Variants in AK2 observed in about 807,000 individuals in gnomAD.
AK2 encodes adenylate kinase 2, mitochondrial.
Under a neutral mutation model 24.6 loss-of-function variants are expected in AK2, and 15 were observed. The observed-to-expected ratio is 0.61, with a 90% confidence interval of 0.41 to 0.94. AK2 has a LOEUF of 0.94. Among genes scored for constraint, AK2 ranks in the 40% least tolerant of loss-of-function variants. AK2 has a pLI of 0.00. For missense variants in AK2, 257 were observed against 304.1 expected (o/e 0.85, Z 1.15); for synonymous variants, 102 against 114.0 (o/e 0.90, Z 0.67).
At position 33,012,946 on chromosome 1, in the gene AK2, A is replaced by C; in HGVS notation, c.*235T>G. ...AACAGCTGGTAAAGCAACCTAGCCT[A>C]AAACTTACAAAGTAGCAGAGTGAAC... On this transcript the variant is annotated 3_prime_UTR_variant, in exon 6 of 6. Coordinates refer to ENST00000672715, the MANE Select transcript of AK2 (RefSeq NM_001625.4). The C allele has an allele frequency of 6.5e-7, 1 of 1,528,172 alleles. No individual in the cohort carries two copies. Among genetic ancestry groups the C allele is most frequent in the Non-Finnish European group, 8.8e-7 (1 of 1,138,426 alleles). 94.7% of individuals were successfully genotyped at this position (1,528,172 alleles called of 1,614,324 possible). A position where few individuals can be genotyped will look rare whatever the true frequency, so the allele number is the denominator to read the frequency against.
At position 33,009,228 on chromosome 1, in the gene AK2, T is replaced by C; in HGVS notation, c.*3953A>G. The C allele has an allele frequency of 2.2e-6, 1 of 453,906 alleles. No individual in the cohort carries two copies. The highest frequency in any genetic ancestry group is 4.4e-6 in the Non-Finnish European group (1 of 226,700). 28.1% of individuals were successfully genotyped at this position (453,906 alleles called of 1,614,324 possible). ...CCTCTTGTTTTGGGAACAACAGTCA[T>C]TTCTCAGAAACCTCACTTGCAAAGG... On this transcript the variant is annotated 3_prime_UTR_variant, in exon 6 of 6. Transcript: ENST00000672715.
chr1:33,020,460 T>C (rs1423230228), intron 4 of AK2, among the ~76,000 whole-genome samples: 3 of 152,160 alleles, frequency 2.0e-5, no homozygotes, highest in Non-Finnish European at 2.9e-5. Context: ...ACACGTGAAA[T>C]AGCTTCTCAA....
rs750782742 is a variant in AK2, at chr1:33,036,793, A to G, written c.36T>C (p.Tyr12=). The G allele has an allele frequency of 5.0e-6, 8 of 1,599,574 alleles. No homozygotes were observed. Among genetic ancestry groups the G allele is most frequent in the Non-Finnish European group, 6.8e-6 (8 of 1,173,938 alleles). The change falls in exon 1 of 6, where the codon TAT becomes TAC. Residue 12 remains tyrosine (Y), a synonymous_variant. Transcript: ENST00000672715. ...APSVPAAEPE[Y]PKGIRAVLLG... ...GCAGCACGGCCCGGATGCCTTTAGG[A>G]TACTCGGGTTCTGCCGCTGGCACGC...
chr1:33,019,839 G>C, intron 4 of AK2: 4 of 1,215,604 alleles, frequency 3.3e-6, no homozygotes, highest in Non-Finnish European at 4.1e-6. Flanking sequence ...ACAACAATAA[G>C]GAAATAAGTA....
In AK2 at chr1:33,008,533, C is replaced by A; in HGVS notation, c.*4648G>T. 2.2e-6 allele frequency: 1 copy of A among 454,102 alleles called. No individual in the cohort carries two copies. The highest frequency in any genetic ancestry group is 4.4e-6 in the Non-Finnish European group (1 of 226,794). 28.1% of individuals were successfully genotyped at this position (454,102 alleles called of 1,614,324 possible). On this transcript the variant is annotated 3_prime_UTR_variant, in exon 6 of 6. Transcript: ENST00000672715. The stretch of plus-strand genomic sequence containing the variant: ...GGAAAAGAGCTCTTATTCAGAGCAG[C>A]CCTTCCTGTGTGCAGAGCTACGCAA...
Position 33,012,564 on chromosome 1 carries a change from A to C in AK2, c.*617T>G. 1 of 1,303,108 alleles carries C rather than the reference A, an allele frequency of 7.7e-7. No homozygotes were observed. The highest frequency in any genetic ancestry group is 1.0e-6 in the Non-Finnish European group (1 of 999,880). 80.7% of individuals were successfully genotyped at this position (1,303,108 alleles called of 1,614,324 possible). A position where few individuals can be genotyped will look rare whatever the true frequency, so the allele number is the denominator to read the frequency against. On this transcript the variant is annotated 3_prime_UTR_variant, in exon 6 of 6. Coordinates refer to ENST00000672715, the MANE Select transcript of AK2 (RefSeq NM_001625.4). ...CCTGGAAGATTACCTGGGTTAGTTC[A>C]TTTTGGTCAAAAAATAAAATCAAAA...
chr1:33,031,298 TCAGA>T (rs1640219508), intron 1 of AK2: 1 of 188,850 alleles, frequency 5.3e-6, no homozygotes, highest in African/African-American at 2.4e-5. Context: ...TACTCAAGAG[TCAGA>T]CAGACATGAG....
At chr1:33,020,994 A>C (rs940036276) in intron 4 of AK2, among the ~76,000 whole-genome samples, 6 of 151,972 alleles carry the variant, frequency 3.9e-5, no homozygotes, top group African/African-American at 1.5e-4. Context: ...AAATACAAAA[A>C]AATTAGCCAG....
chr1:33,023,833 T>C lies in AK2; in HGVS notation c.219+609A>G, dbSNP rs184541520. Among the ~76,000 whole-genome samples, 509 of 152,312 alleles carry C rather than the reference T, an allele frequency of 3.3e-3. 4 individuals carry two copies. The highest frequency in any genetic ancestry group is 5.0e-3 in the Non-Finnish European group (340 of 68,030). ...AGAAAAACTTCAAGAATACTATGAATGAGTGCCATAAATTCAGAACAAACA... is the reference window on the plus strand; with the variant it reads ...AGAAAAACTTCAAGAATACTATGAACGAGTGCCATAAATTCAGAACAAACA... On this transcript the variant is annotated intron_variant, in intron 2 of 5. Transcript: ENST00000672715.
Position 33,012,818 on chromosome 1 carries a change from G to A in AK2, c.*363C>T, listed in dbSNP as rs1287570372. On this transcript the variant is annotated 3_prime_UTR_variant, in exon 6 of 6. Coordinates refer to ENST00000672715, the MANE Select transcript of AK2 (RefSeq NM_001625.4). ...AGGCTGAGGTGGGATAATTGCTTGA[G>A]CCCCAGGAGGCAGAGGTTGCCGTGA... 7.8e-6 allele frequency: 9 copies of A among 1,151,020 alleles called. No homozygotes were observed. The highest frequency in any genetic ancestry group is 1.0e-5 in the Non-Finnish European group (9 of 862,822). The allele number at this position is 1,151,020 out of a possible 1,614,324, so 71.3% of individuals were successfully genotyped here. A position where few individuals can be genotyped will look rare whatever the true frequency, so the allele number is the denominator to read the frequency against.
At position 33,010,779 on chromosome 1, in the gene AK2, C is replaced by T. The variant is rs1426970244; in HGVS notation, c.*2402G>A. ...CTGCCCAGCACCTAAGAGCAGGGAT[C>T]ACGCCGCGGGGTGATGAGCAGTGTT... On this transcript the variant is annotated 3_prime_UTR_variant, in exon 6 of 6. Transcript: ENST00000672715. 1 of 1,614,298 alleles carries T rather than the reference C, an allele frequency of 6.2e-7. No individual in the cohort carries two copies. The highest frequency in any genetic ancestry group is 8.5e-7 in the Non-Finnish European group (1 of 1,180,056).
chr1:33,022,594 T>C (rs1287918147), intron 2 of AK2, among the ~76,000 whole-genome samples: 1 of 152,098 alleles, frequency 6.6e-6, no homozygotes, highest in African/African-American at 2.4e-5. Flanking sequence ...TGACCTCAAG[T>C]GATCTGCCTG....
Position 33,014,604 on chromosome 1 carries a change from A to G in AK2, c.426-10T>C, listed in dbSNP as rs1383196233. The G allele has an allele frequency of 9.3e-6, 15 of 1,608,964 alleles. No individual in the cohort carries two copies. Among genetic ancestry groups the G allele is most frequent in the Non-Finnish European group, 1.3e-5 (15 of 1,176,452 alleles). The stretch of plus-strand genomic sequence containing the variant: ...CTTGGGGTGAATCAGCCTGAAAGAC[A>G]GCAAATGAATATGAGTTAGGTTAAC... On this transcript the variant is annotated splice_polypyrimidine_tract_variant and intron_variant, in intron 4 of 5. Transcript: ENST00000672715.
At chr1:33,014,904 C>T (rs1403260291) in intron 4 of AK2, among the ~76,000 whole-genome samples, 2 of 152,200 alleles carry the variant, frequency 1.3e-5, no homozygotes, top group African/African-American at 4.8e-5. Flanking sequence ...ATTCTGTTCA[C>T]CCATTTACTT....
intron 5 of AK2, among the ~76,000 whole-genome samples, chr1:33,013,616 T>C (rs1047734426): frequency 1.3e-5 from 2 of 152,092 alleles, no homozygotes; most frequent in Admixed American, 1.3e-4. Flanking sequence ...GTCAGAGAGT[T>C]TGTCAGAAAC....
Position 33,012,928 on chromosome 1 carries a change from G to A in AK2, c.*253C>T. 1 of 1,473,426 alleles carries A rather than the reference G, an allele frequency of 6.8e-7. No individual in the cohort carries two copies. The highest frequency in any genetic ancestry group is 2.8e-5 in the East Asian group (1 of 35,458). The allele number at this position is 1,473,426 out of a possible 1,614,324, so 91.3% of individuals were successfully genotyped here. On this transcript the variant is annotated 3_prime_UTR_variant, in exon 6 of 6. Coordinates refer to ENST00000672715, the MANE Select transcript of AK2 (RefSeq NM_001625.4). Reference sequence around the variant, plus strand: ...AACAACAAAAAAGAAGTAAACAGCTGGTAAAGCAACCTAGCCTAAAACTTA... The same window carrying A: ...AACAACAAAAAAGAAGTAAACAGCTAGTAAAGCAACCTAGCCTAAAACTTA...
rs1340992495 is a variant in AK2 at position 33,011,110 on chromosome 1, G to A, written c.*2071C>T. On this transcript the variant is annotated 3_prime_UTR_variant, in exon 6 of 6. Coordinates refer to ENST00000672715, the MANE Select transcript of AK2 (RefSeq NM_001625.4). ...TTACTTGTACATGTTGTATGCACAC[G>A]TGAATCTATGTGGACGGATGACAAA... 7.0e-6 allele frequency: 10 copies of A among 1,421,776 alleles called. No homozygotes were observed. Among genetic ancestry groups the A allele is most frequent in the African/African-American group, 2.9e-5 (2 of 69,470 alleles). 88.1% of individuals were successfully genotyped at this position (1,421,776 alleles called of 1,614,324 possible). A position where few individuals can be genotyped will look rare whatever the true frequency, so the allele number is the denominator to read the frequency against.
chr1:33,013,291 G>A lies in AK2; in HGVS notation c.610C>T (p.Arg204Trp), dbSNP rs370429097. The change falls in exon 6 of 6, where the codon CGG (arginine) becomes TGG (tryptophan). Residue 204 changes from arginine to tryptophan, a missense_variant. Physicochemically the swap from Arg to Trp is moderately radical, Grantham distance 101 (BLOSUM62 -3). Transcript: ENST00000672715. ...TTPLIEYYRK[R>W]GIHSAIDASQ... ...GCATCGATGGCGGAGTGGATCCCCC[G>A]TTTCCTGTAGTACTCTATGAGTGGG... The A allele has an allele frequency of 2.0e-5, 33 of 1,614,068 alleles. No homozygotes were observed. The highest frequency in any genetic ancestry group is 4.5e-5 in the East Asian group (2 of 44,898).
Position 33,010,963 on chromosome 1 carries a change from G to A in AK2, c.*2218C>T. The A allele has an allele frequency of 1.9e-6, 3 of 1,554,800 alleles. No homozygotes were observed. Among genetic ancestry groups the A allele is most frequent in the South Asian group, 1.2e-5 (1 of 84,530 alleles). ...CTGGACATTTCTGTGACAGGTAAAA[G>A]CAGAACCTGCTGAGGCTGAGGAACT... On this transcript the variant is annotated 3_prime_UTR_variant, in exon 6 of 6. Transcript: ENST00000672715.
Sources: allele counts gnomAD v4.1 joint callset (sites outside exome capture counted in the v4.1 genomes callset), GRCh38; gene constraint gnomAD v4.1.1; transcripts MANE v1.5; gene names NCBI Gene and HGNC (gene_info 2026-07-23, HGNC 2026-07-21).